FHAD1: variants seen among roughly 807,000 people sequenced by gnomAD.
FHAD1 encodes forkhead associated phosphopeptide binding domain 1.
Under a neutral mutation model 191.3 loss-of-function variants are expected in FHAD1, and 146 were observed. The ratio of observed to expected loss-of-function variants is 0.76; its 90% CI spans 0.67 to 0.88. The LOEUF is 0.88. Ranked by LOEUF, FHAD1 falls within the 40% of genes least tolerant of loss-of-function variation. The pLI, the probability that FHAD1 is intolerant of heterozygous loss-of-function variation, is 0.00. For synonymous variants in FHAD1, 616 were observed against 672.3 expected, an observed-to-expected ratio of 0.92 and a Z score of 1.29; for missense variants, 1,635 against 1,785.8, an observed-to-expected ratio of 0.92 and a Z score of 1.52.
Position 15,345,445 on chromosome 1 carries a change from G to A in FHAD1, c.2268G>A (p.Lys756=). Residue 756 remains lysine, a synonymous_variant, in exon 18 of 34, where the codon AAG becomes AAA. Transcript: ENST00000688493. Reference sequence around the variant, plus strand: ...TGGCGAAAAGCATTACCCAGGAGAAGAACAGAGTGAAGGAAGCATTAGAGG... The same window carrying A: ...TGGCGAAAAGCATTACCCAGGAGAAAAACAGAGTGAAGGAAGCATTAGAGG... ...KALAKSITQE[K]NRVKEALEEE... The A allele has an allele frequency of 1.3e-6, 2 of 1,552,348 alleles. No individual in the cohort carries two copies. Among genetic ancestry groups the A allele is most frequent in the Non-Finnish European group, 1.7e-6 (2 of 1,147,130 alleles).
chr1:15,313,251 G>A (rs530894965), intron 8 of FHAD1, 64 bp downstream of exon 8: 169 of 1,315,348 alleles, frequency 1.3e-4, no homozygotes, highest in African/African-American at 1.7e-4. Flanking sequence ...GTGAAGTCAC[G>A]TGATATGCTT....
At chr1:15,357,395 C>T (rs971992034) in intron 20 of FHAD1, among the ~76,000 whole-genome samples, 7 of 152,110 alleles carry the variant, frequency 4.6e-5, no homozygotes, top group Non-Finnish European at 8.8e-5. Flanking sequence ...GAGGCCGAGG[C>T]AGGCGGATCA....
intron 18 of FHAD1, among the ~76,000 whole-genome samples, chr1:15,347,927 T>C: frequency 6.6e-6 from 1 of 152,202 alleles, no homozygotes; most frequent in African/African-American, 2.4e-5. Flanking sequence ...GCAAGGCCTC[T>C]CTTACCAATA....
At chr1:15,257,151 C>T (rs781080282) in intron 2 of FHAD1, among the ~76,000 whole-genome samples, 1 of 152,218 alleles carries the variant, frequency 6.6e-6, no homozygotes, top group Non-Finnish European at 1.5e-5. Context: ...CACGGACGTG[C>T]GAGTCCATGT....
chr1:15,330,229 C>G (rs1026670268), intron 14 of FHAD1, among the ~76,000 whole-genome samples: 4 of 152,196 alleles, frequency 2.6e-5, no homozygotes, highest in African/African-American at 9.7e-5. Context: ...GTTTTTCACA[C>G]TCATAAATCA....
intron 23 of FHAD1, among the ~76,000 whole-genome samples, chr1:15,365,509 C>T (rs1236206641): frequency 2.7e-5 from 2 of 74,844 alleles, no homozygotes; most frequent in African/African-American, 1.2e-4. Flanking sequence ...TTTGTAGAGA[C>T]GGGGTTCTGA....
At chr1:15,254,967 C>G (rs984875377) in intron 2 of FHAD1, among the ~76,000 whole-genome samples, 2 of 152,050 alleles carry the variant, frequency 1.3e-5, no homozygotes, top group African/African-American at 4.8e-5. Context: ...GTGAAAATTG[C>G]CCCTCTTTTG....
At chr1:15,310,498 C>T (rs997270381) in intron 7 of FHAD1, among the ~76,000 whole-genome samples, 1 of 152,176 alleles carries the variant, frequency 6.6e-6, no homozygotes, top group Admixed American at 6.5e-5. Flanking sequence ...TCTCAGACAC[C>T]ACTCCTCTAA....
chr1:15,372,282 A>G (rs1300725584), intron 26 of FHAD1, among the ~76,000 whole-genome samples: 3 of 151,588 alleles, frequency 2.0e-5, no homozygotes, highest in African/African-American at 7.3e-5. Context: ...GCACTGTTGA[A>G]CCCCTTGTAG....
chr1:15,283,960 G>GTC (rs1303010445), intron 3 of FHAD1, among the ~76,000 whole-genome samples: 1 of 152,210 alleles, frequency 6.6e-6, no homozygotes. Flanking sequence ...GGAAGCTCCA[G>GTC]GGGCACAGAG....
intron 4 of FHAD1, among the ~76,000 whole-genome samples, chr1:15,295,043 A>T (rs1371622514): frequency 6.6e-6 from 1 of 152,142 alleles, no homozygotes; most frequent in East Asian, 1.9e-4. Context: ...AGATTGTTTG[A>T]CCCTAACACT....
At chr1:15,369,848 A>G (rs771108722) in intron 26 of FHAD1, among the ~76,000 whole-genome samples, 10 of 152,228 alleles carry the variant, frequency 6.6e-5, no homozygotes, top group Admixed American at 2.0e-4. Flanking sequence ...TGGGGAGGTC[A>G]CTGTACACCA....
chr1:15,341,748 A>G lies in FHAD1; in HGVS notation c.1990A>G (p.Ser664Gly), dbSNP rs1686782774. Residue 664 changes from serine (S) to glycine (G), a missense_variant, in exon 16 of 34, where the codon AGT becomes GGT. Coordinates refer to ENST00000688493, the MANE Select transcript of FHAD1 (RefSeq NM_001391957.1). ...TCTCACATTTCAGATCAAGTTCAAC[A>G]GTTCTCAGGAAACTCAGCAGTCTTT... is the stretch of plus-strand genomic sequence containing the variant. ...QAQELQIKFN[S>G]SQETQQSLLQ... 8.4e-6 allele frequency: 13 copies of G among 1,550,580 alleles called. No homozygotes were observed. Among genetic ancestry groups the G allele is most frequent in the Non-Finnish European group, 1.1e-5 (13 of 1,146,384 alleles).
At chr1:15,344,820 C>T (rs1688213665) in intron 16 of FHAD1, among the ~76,000 whole-genome samples, 1 of 152,194 alleles carries the variant, frequency 6.6e-6, no homozygotes, top group Non-Finnish European at 1.5e-5. Context: ...AAGACTATTA[C>T]TGTCTCCGTT....
At chr1:15,262,677 C>T (rs186311572) in intron 2 of FHAD1, among the ~76,000 whole-genome samples, 8 of 152,282 alleles carry the variant, frequency 5.3e-5, no homozygotes, top group East Asian at 1.9e-4. Flanking sequence ...GGATGGACCA[C>T]GTTTTGTTTA....
intron 22 of FHAD1, 25 bp from the exon 23 acceptor site, chr1:15,362,617 A>G (rs769826449): frequency 6.5e-7 from 1 of 1,538,840 alleles, no homozygotes; most frequent in South Asian, 1.2e-5. Context: ...TCCTCTCACA[A>G]TGATCACATG....
rs572052750 is a variant in FHAD1, at chr1:15,372,184, C to T, written c.3448-2318C>T. Among the ~76,000 whole-genome samples the T allele has an allele frequency of 2.6e-5, 4 of 150,994 alleles. No homozygotes were observed. The East Asian group carries it at 7.8e-4, about 29-fold the overall frequency. The stretch of plus-strand genomic sequence containing the variant: ...TCAGGGAGGCCTGTGCTGGAGGAGA[C>T]CTGGAGCAGAGCCAGAAGGAAGGAA... On this transcript the variant is annotated intron_variant, in intron 26 of 33. Transcript: ENST00000688493.
intron 2 of FHAD1, among the ~76,000 whole-genome samples, chr1:15,270,507 G>A (rs1464757987): frequency 6.6e-6 from 1 of 152,052 alleles, no homozygotes; most frequent in Non-Finnish European, 1.5e-5. Context: ...ATGCAATAAA[G>A]CACTAAGCAA....
At chr1:15,383,988 GTACATTCTCA>G in intron 31 of FHAD1, 1 of 336,280 alleles carries the variant, frequency 3.0e-6, no homozygotes, top group South Asian at 2.3e-5. Flanking sequence ...TCGTGTGTGT[GTACATTCTCA>G]TGTGTGTGTG....
Sources: gnomAD v4.1 joint callset for allele counts (sites outside exome capture counted in the v4.1 genomes callset) on GRCh38, gnomAD v4.1.1 for gene constraint, MANE v1.5 for transcripts, NCBI Gene and HGNC (gene_info 2026-07-23, HGNC 2026-07-21) for gene names.